Variants in PARP15 observed in about 807,000 individuals in gnomAD.
PARP15 encodes the protein poly(ADP-ribose) polymerase family member 15, also known as protein mono-ADP-ribosyltransferase PARP15.
PARP15 carries 50 observed loss-of-function variants against 62.1 expected under a neutral mutation model. The ratio of observed to expected loss-of-function variants is 0.81; its 90% CI spans 0.64 to 1.02. The LOEUF is 1.02. Among genes scored for constraint, PARP15 ranks in the 50% least tolerant of loss-of-function variants. The probability of loss-of-function intolerance (pLI) is 0.00; values close to 1 mark genes in which losing one functional copy is unlikely to be tolerated. For missense variants in PARP15, 820 were observed against 826.5 expected, an observed-to-expected ratio of 0.99 and a Z score of 0.10; for synonymous variants, 309 against 293.1, an observed-to-expected ratio of 1.05 and a Z score of -0.55.
At chr3:122,610,784 C>A in intron 3 of PARP15, 54 bp downstream of exon 3, 1 of 1,427,850 alleles carries the variant, frequency 7.0e-7, no homozygotes, top group Non-Finnish European at 9.3e-7. Context: ...GAATCTCCTT[C>A]TGGTGTGGTA....
rs188149558 is a variant in PARP15, at chr3:122,585,261, C to G, written c.186+7408C>G. Among the ~76,000 whole-genome samples, 4 of 152,172 alleles carry G rather than the reference C, an allele frequency of 2.6e-5. No individual in the cohort carries two copies. In the South Asian group the frequency reaches 8.3e-4, roughly 32 times the overall value. ...ACTCAGGAGGCTGAGGTGGGAGGAT[C>G]GCTTGAGCCCAGGAGGTCAAAGCTG... On this transcript the variant is annotated intron_variant, in intron 1 of 11. Coordinates refer to ENST00000464300, the MANE Select transcript of PARP15 (RefSeq NM_001113523.3).
chr3:122,582,700 G>A (rs1275415460), intron 1 of PARP15, among the ~76,000 whole-genome samples: 1 of 151,954 alleles, frequency 6.6e-6, no homozygotes, highest in Non-Finnish European at 1.5e-5. Flanking sequence ...TTGGTTTATA[G>A]TTTTCATCAA....
chr3:122,634,353 C>T (rs905586248), intron 10 of PARP15, among the ~76,000 whole-genome samples: 4 of 152,112 alleles, frequency 2.6e-5, no homozygotes, highest in African/African-American at 9.7e-5. Context: ...GACAGAGACC[C>T]AACACAAACT....
In PARP15 at chr3:122,632,145, G is replaced by C. The variant is rs1034466551; in HGVS notation, c.1498G>C (p.Glu500Gln). 3.1e-6 allele frequency: 5 copies of C among 1,613,654 alleles called. No individual in the cohort carries two copies. The highest frequency in any genetic ancestry group is 2.2e-5 in the East Asian group (1 of 44,880). ...NHQLFCMVQL[E>Q]PGQSEYNTIK... ...TCAGCTGTTTTGCATGGTCCAGCTA[G>C]AGCCAGGACAATCAGAATATAATAC... Residue 500 changes from glutamate (E) to glutamine (Q), a missense_variant, in exon 10 of 12, where the codon GAG becomes CAG. By Grantham distance (29) the Glu-to-Gln change is conservative. Coordinates refer to ENST00000464300, the MANE Select transcript of PARP15 (RefSeq NM_001113523.3).
At position 122,638,702 on chromosome 3, in the gene PARP15, C is replaced by T. The variant is rs1282788249; in HGVS notation, c.*2602C>T. On this transcript the variant is annotated 3_prime_UTR_variant, in exon 12 of 12. Transcript: ENST00000464300. ...TTCATTGTAGATTCTGGATATTAGC[C>T]CTTTGTCAGATGAGTAGATTGCAAA... 1 of 151,874 alleles carries T rather than the reference C, an allele frequency of 6.6e-6. No individual in the cohort carries two copies. Among genetic ancestry groups the T allele is most frequent in the Non-Finnish European group, 1.5e-5 (1 of 67,980 alleles). 9.4% of individuals were successfully genotyped at this position (151,874 alleles called of 1,614,324 possible).
At chr3:122,591,695 T>G (rs1397440482) in intron 1 of PARP15, among the ~76,000 whole-genome samples, 2 of 148,922 alleles carry the variant, frequency 1.3e-5, no homozygotes, top group Non-Finnish European at 3.0e-5. Context: ...AGGGAGGCGG[T>G]TATTGCAGTG....
intron 1 of PARP15, among the ~76,000 whole-genome samples, chr3:122,604,717 C>T (rs1055171779): frequency 6.6e-6 from 1 of 151,994 alleles, no homozygotes; most frequent in African/African-American, 2.4e-5. Flanking sequence ...AAAAATTAGA[C>T]GGGAGTGGTG....
chr3:122,585,474 G>A lies in PARP15; in HGVS notation c.186+7621G>A, dbSNP rs76490675. Among the ~76,000 whole-genome samples the A allele has an allele frequency of 3.3e-3, 508 of 152,314 alleles. 5 individuals carry two copies. The highest frequency in any genetic ancestry group is 2.7e-3 in the Non-Finnish European group (184 of 68,020). On this transcript the variant is annotated intron_variant, in intron 1 of 11. Coordinates refer to ENST00000464300, the MANE Select transcript of PARP15 (RefSeq NM_001113523.3). The stretch of plus-strand genomic sequence containing the variant: ...ATCTGACTGGATCCTGTTATGGAGT[G>A]ACATCAGGACTTTATCTGATTGGAT...
At chr3:122,625,545 G>A (rs1022875062) in intron 8 of PARP15, among the ~76,000 whole-genome samples, 5 of 152,092 alleles carry the variant, frequency 3.3e-5, no homozygotes, top group Non-Finnish European at 7.4e-5. Context: ...TGAGCACCTA[G>A]CCTGGAGATA....
chr3:122,589,224 G>A (rs59866500), intron 1 of PARP15, among the ~76,000 whole-genome samples: 76,337 of 151,912 alleles, frequency 0.5, 19,297 homozygotes, highest in Middle Eastern at 0.54. Flanking sequence ...TTCCTCACAT[G>A]GGCTTGTCCC....
intron 8 of PARP15, among the ~76,000 whole-genome samples, chr3:122,623,040 G>T (rs926021055): frequency 6.6e-6 from 1 of 152,132 alleles, no homozygotes; most frequent in African/African-American, 2.4e-5. Flanking sequence ...ACCCTGCAAT[G>T]TTTGCAGTAC....
intron 8 of PARP15, among the ~76,000 whole-genome samples, chr3:122,626,534 T>G (rs546061907): frequency 6.6e-6 from 1 of 152,128 alleles, no homozygotes; most frequent in Non-Finnish European, 1.5e-5. Context: ...GATAGGGAGA[T>G]ATTTGGCCAT....
Position 122,583,286 on chromosome 3 carries a change from GTT to G in PARP15, c.186+5444_186+5445del, listed in dbSNP as rs34906406. Among the ~76,000 whole-genome samples, 645 of 143,870 alleles carry G rather than the reference GTT, an allele frequency of 4.5e-3. 8 individuals carry two copies. Among genetic ancestry groups the G allele is most frequent in the African/African-American group, 0.015 (589 of 39,128 alleles). 94.4% of individuals were successfully genotyped at this position (143,870 alleles called of 152,430 possible). A position where few individuals can be genotyped will look rare whatever the true frequency, so the allele number is the denominator to read the frequency against. ...AGGTGCCTGCCACCATGCCTGGCTA[GTT>G]TTTTTTTTTTGTATTTTTAGTAGAG... On this transcript the variant is annotated intron_variant, in intron 1 of 11. Transcript: ENST00000464300.
At chr3:122,606,439 C>T (rs1935166712) in intron 2 of PARP15, among the ~76,000 whole-genome samples, 1 of 152,196 alleles carries the variant, frequency 6.6e-6, no homozygotes, top group African/African-American at 2.4e-5. Flanking sequence ...CGCCTTTGCT[C>T]CTGCCTGAGC....
At chr3:122,585,515 G>A (rs1213516185) in intron 1 of PARP15, among the ~76,000 whole-genome samples, 1 of 152,192 alleles carries the variant, frequency 6.6e-6, no homozygotes, top group Non-Finnish European at 1.5e-5. Context: ...ATCCTGCCAT[G>A]TAGTGTCCAC....
rs2080704009 is a variant in PARP15 at position 122,577,675 on chromosome 3, C to A, written c.8C>A (p.Ala3Glu). Residue 3 changes from alanine (A) to glutamate (E), a missense_variant, in exon 1 of 12, where the codon GCG becomes GAG. Coordinates refer to ENST00000464300, the MANE Select transcript of PARP15 (RefSeq NM_001113523.3). MA[A>E]PGPLPAAALS... ...AGTCCCAGCGAGCTGAGGATGGCTGCGCCAGGCCCCCTTCCTGCCGCTGCT... is the reference window on the plus strand; with the variant it reads ...AGTCCCAGCGAGCTGAGGATGGCTGAGCCAGGCCCCCTTCCTGCCGCTGCT... 1 of 1,551,490 alleles carries A rather than the reference C, an allele frequency of 6.4e-7. No homozygotes were observed. The highest frequency in any genetic ancestry group is 2.0e-5 in the Admixed American group (1 of 50,980).
intron 2 of PARP15, among the ~76,000 whole-genome samples, chr3:122,608,577 C>G (rs1036099899): frequency 3.9e-5 from 6 of 152,228 alleles, no homozygotes; most frequent in African/African-American, 1.4e-4. Flanking sequence ...TTCTTTCTAC[C>G]TGACCCAATT....
rs1200895290 is a variant in PARP15, at chr3:122,636,728, A to G, written c.*628A>G. 1.3e-5 allele frequency: 2 copies of G among 152,500 alleles called. No homozygotes were observed. The highest frequency in any genetic ancestry group is 2.9e-5 in the Non-Finnish European group (2 of 68,252). The allele number at this position is 152,500 out of a possible 1,614,324, so 9.4% of individuals were successfully genotyped here. On this transcript the variant is annotated 3_prime_UTR_variant, in exon 12 of 12. Coordinates refer to ENST00000464300, the MANE Select transcript of PARP15 (RefSeq NM_001113523.3). ...CCCACACAGTCTTTATGGGTCAGGA[A>G]TTCAGGCATGGCTTACCTGGATCAT...
chr3:122,598,661 T>A (rs1270529062), intron 1 of PARP15, among the ~76,000 whole-genome samples: 1 of 152,128 alleles, frequency 6.6e-6, no homozygotes, highest in Non-Finnish European at 1.5e-5. Context: ...TTCTGCCATA[T>A]TTTGTTGGTC....
Sources: allele counts gnomAD v4.1 joint callset (sites outside exome capture counted in the v4.1 genomes callset), GRCh38; gene constraint gnomAD v4.1.1; transcripts MANE v1.5; gene names NCBI Gene and HGNC (gene_info 2026-07-23, HGNC 2026-07-21).